The following INSR variants were observed in gnomAD, a reference collection of about 807,000 sequenced individuals.
INSR encodes insulin receptor.
Under a neutral mutation model 142.6 loss-of-function variants are expected in INSR, and 67 were observed. The observed-to-expected ratio is 0.47, with a 90% CI of 0.39 to 0.58. The LOEUF (loss-of-function observed/expected upper bound fraction) is 0.58. INSR is among the 20% of genes least tolerant of loss of function. The probability of loss-of-function intolerance (pLI) is 0.00; values close to 1 mark genes in which losing one functional copy is unlikely to be tolerated. For synonymous variants in INSR, 756 were observed against 743.1 expected (o/e 1.02, Z -0.28); for missense variants, 1,248 against 1,833.2 (o/e 0.68, Z 5.83).
intron 2 of INSR, among the ~76,000 whole-genome samples, chr19:7,211,160 G>A (rs1363549468): frequency 1.3e-5 from 2 of 152,060 alleles, no homozygotes; most frequent in Non-Finnish European, 2.9e-5. Context: ...TCGACTTCCT[G>A]GGCTTAAGCG....
At chr19:7,219,518 A>AGGGAGGGAGGG (rs1224264275) in intron 2 of INSR, among the ~76,000 whole-genome samples, 48 of 127,728 alleles carry the variant, frequency 3.8e-4, no homozygotes, top group South Asian at 5.9e-4. Context: ...GGAACGAAGG[A>AGGGAGGGAGGG]AAGAAGGAAG....
chr19:7,276,642 C>T, intron 1 of INSR, among the ~76,000 whole-genome samples: 1 of 152,182 alleles, frequency 6.6e-6, no homozygotes, highest in Non-Finnish European at 1.5e-5. Context: ...GCTTCCCAAC[C>T]CAGCTCTGTC....
intron 2 of INSR, among the ~76,000 whole-genome samples, chr19:7,187,461 T>C (rs1399773715): frequency 6.6e-6 from 1 of 152,204 alleles, no homozygotes; most frequent in African/African-American, 2.4e-5. Context: ...TTAACTGCAT[T>C]TCATTTTAAT....
chr19:7,197,333 T>TGAGA (rs1307306639), intron 2 of INSR, among the ~76,000 whole-genome samples: 1 of 150,960 alleles, frequency 6.6e-6, no homozygotes, highest in Non-Finnish European at 1.5e-5. Context: ...AGTGAGTGAG[T>TGAGA]GAGTAAGCGA....
chr19:7,224,999 G>C (rs1975737050), intron 2 of INSR, among the ~76,000 whole-genome samples: 1 of 152,052 alleles, frequency 6.6e-6, no homozygotes, highest in Non-Finnish European at 1.5e-5. Flanking sequence ...CAGAGACAGA[G>C]AGGGGAGTAT....
intron 1 of INSR, among the ~76,000 whole-genome samples, chr19:7,284,071 T>G (rs925125181): frequency 2.1e-4 from 32 of 152,008 alleles, no homozygotes; most frequent in South Asian, 8.3e-4. Flanking sequence ...TTTGTTTTTT[T>G]GGGTTTTTTT....
chr19:7,137,281 AAAT>A lies in INSR; in HGVS notation c.2682+4393_2682+4395del, dbSNP rs201346069. Reference sequence around the variant, plus strand: ...TGTTTCTAAATTAAAAAAAAAAAAAAAATCCCTCATGCCCAAGCCAATCAGCAT... The same window carrying A: ...TGTTTCTAAATTAAAAAAAAAAAAAACCCTCATGCCCAAGCCAATCAGCAT... On this transcript the variant is annotated intron_variant, in intron 13 of 21. Coordinates refer to ENST00000302850, the MANE Select transcript of INSR (RefSeq NM_000208.4). Among the ~76,000 whole-genome samples, 8 of 149,816 alleles carry A rather than the reference AAAT, an allele frequency of 5.3e-5. No homozygotes were observed. The South Asian group carries it at 8.5e-4, about 16-fold the overall frequency.
chr19:7,220,146 A>G (rs1975568328), intron 2 of INSR, among the ~76,000 whole-genome samples: 1 of 152,164 alleles, frequency 6.6e-6, no homozygotes, highest in Non-Finnish European at 1.5e-5. Context: ...TGGCTTCCCA[A>G]GCAAAATATG....
intron 2 of INSR, among the ~76,000 whole-genome samples, chr19:7,203,647 C>T (rs567959166): frequency 3.3e-5 from 5 of 152,220 alleles, no homozygotes; most frequent in Admixed American, 2.6e-4. Flanking sequence ...TCTACATGCA[C>T]GAGCTGGCAG....
At chr19:7,251,303 G>A (rs1056421239) in intron 2 of INSR, among the ~76,000 whole-genome samples, 2 of 152,038 alleles carry the variant, frequency 1.3e-5, no homozygotes, top group Non-Finnish European at 2.9e-5. Context: ...TGTCACGCAG[G>A]CTGGAGTGCA....
chr19:7,171,236 T>C (rs1179455941), intron 5 of INSR, among the ~76,000 whole-genome samples: 1 of 152,150 alleles, frequency 6.6e-6, no homozygotes, highest in Non-Finnish European at 1.5e-5. Flanking sequence ...GTTTGTTTGT[T>C]TGTTTTATTG....
chr19:7,118,507 G>A (rs1411119785), intron 21 of INSR, among the ~76,000 whole-genome samples: 3 of 151,740 alleles, frequency 2.0e-5, no homozygotes, highest in Non-Finnish European at 2.9e-5. Context: ...TAATAGAGGC[G>A]GGGTTTCACC....
intron 3 of INSR, among the ~76,000 whole-genome samples, chr19:7,176,280 G>T (rs1974133261): frequency 1.3e-5 from 2 of 152,172 alleles, no homozygotes; most frequent in South Asian, 4.1e-4. Context: ...TAGTGAGTGA[G>T]TTCTCACGAG....
chr19:7,119,906 A>G lies in INSR; in HGVS notation c.3660-323T>C, dbSNP rs554209490. 7.8e-5 allele frequency among the ~76,000 whole-genome samples: 10 copies of G among 127,568 alleles called. No individual in the cohort carries two copies. In the South Asian group the frequency reaches 2.4e-3, roughly 30 times the overall value. 83.7% of individuals were successfully genotyped at this position (127,568 alleles called of 152,430 possible). On this transcript the variant is annotated intron_variant, in intron 20 of 21. Transcript: ENST00000302850. This position sits in a 1 kb window ranked among gnomAD's most constrained non-coding sequence, Gnocchi z 5.2. ...CACATATGCACACACATACACACACAAACACACACACAAACACATCTCTTG... is the reference window on the plus strand; with the variant it reads ...CACATATGCACACACATACACACACGAACACACACACAAACACATCTCTTG...
At chr19:7,182,628 A>T (rs1442572003) in intron 3 of INSR, among the ~76,000 whole-genome samples, 2 of 152,196 alleles carry the variant, frequency 1.3e-5, no homozygotes, top group Non-Finnish European at 2.9e-5. Flanking sequence ...TCTTCCGTTC[A>T]GGAAAGGTCC....
rs535243232 is a variant in INSR, at chr19:7,161,635, G to A, written c.2029+1397C>T. On this transcript the variant is annotated intron_variant, in intron 9 of 21. Transcript: ENST00000302850. ...ATCCTTACAACTAAAGGATCTCAGT[G>A]GGGCCAAAATCCTTCCCTGACTTTG... Among the ~76,000 whole-genome samples, 11 of 152,208 alleles carry A rather than the reference G, an allele frequency of 7.2e-5. No homozygotes were observed. In the South Asian group the frequency reaches 2.3e-3, roughly 32 times the overall value.
At chr19:7,275,255 G>A (rs1185073528) in intron 1 of INSR, among the ~76,000 whole-genome samples, 2 of 151,744 alleles carry the variant, frequency 1.3e-5, no homozygotes, top group Admixed American at 6.6e-5. Context: ...GATTACAGGC[G>A]TGAGCCACTG....
intron 2 of INSR, among the ~76,000 whole-genome samples, chr19:7,238,585 C>T (rs1976234802): frequency 1.5e-5 from 2 of 135,100 alleles, no homozygotes; most frequent in African/African-American, 5.5e-5. Context: ...CACGCCATTG[C>T]ACTCCAGCCT....
chr19:7,166,549 G>A lies in INSR; in HGVS notation c.1611-145C>T. On this transcript the variant is annotated intron_variant, in intron 7 of 21. Transcript: ENST00000302850. The surrounding 1 kb of genome is among the most constrained non-coding windows in gnomAD (Gnocchi z 4.1). ...AATGCCACAAGAAAAAATAACTCGG[G>A]AACAGCCAAAGAGAAAGGAACTGTC... The A allele has an allele frequency of 2.2e-6, 2 of 905,264 alleles. No homozygotes were observed. Among genetic ancestry groups the A allele is most frequent in the Non-Finnish European group, 1.7e-6 (1 of 578,280 alleles). 56.1% of individuals were successfully genotyped at this position (905,264 alleles called of 1,614,324 possible).
Sources: gnomAD v4.1 joint callset for allele counts (sites outside exome capture counted in the v4.1 genomes callset) on GRCh38, gnomAD v4.1.1 for gene constraint, Gnocchi (gnomAD v3.1) non-coding constraint, MANE v1.5 for transcripts, NCBI Gene and HGNC (gene_info 2026-07-23, HGNC 2026-07-21) for gene names.